Variants in ESYT3 observed in about 807,000 individuals in gnomAD.
ESYT3 encodes extended synaptotagmin-3.
ESYT3 carries 101 observed loss-of-function variants against 111.5 expected under a neutral mutation model. The ratio of observed to expected loss-of-function variants is 0.91; its 90% CI spans 0.77 to 1.07. The LOEUF is 1.07. ESYT3 is among the 50% of genes least tolerant of loss of function. ESYT3 has a pLI of 0.00. For missense variants in ESYT3, 1,097 were observed against 1,109.4 expected (o/e 0.99, Z 0.16); for synonymous variants, 416 against 446.8 (o/e 0.93, Z 0.87).
At chr3:138,470,594 A>G (rs1008913253) in intron 16 of ESYT3, 24 of 1,200,126 alleles carry the variant, frequency 2.0e-5, no homozygotes, top group African/African-American at 6.1e-5. Flanking sequence ...CCCTGCCTGG[A>G]GAGCAGCACA....
chr3:138,457,274 G>A (rs1039655450), intron 3 of ESYT3, among the ~76,000 whole-genome samples: 4 of 152,162 alleles, frequency 2.6e-5, no homozygotes, highest in African/African-American at 7.2e-5. Context: ...GTTTCCTCAC[G>A]TGTAAAGGGA....
chr3:138,444,447 A>C (rs768129928), intron 1 of ESYT3, among the ~76,000 whole-genome samples: 4 of 152,232 alleles, frequency 2.6e-5, no homozygotes, highest in Non-Finnish European at 5.9e-5. Flanking sequence ...GATAGTGTAC[A>C]TGTTTTATGG....
Position 138,467,594 on chromosome 3 carries a change from C to A in ESYT3, c.1203C>A (p.Asn401Lys). Residue 401 changes from asparagine (N) to lysine (K), a missense_variant, in exon 11 of 23, where the codon AAC becomes AAA. By Grantham distance (94) the Asn-to-Lys change is moderately conservative. Transcript: ENST00000389567. ...TCTGCCTTGGAGATGTCATGACCAA[C>A]AGAGTGGTGGATGAGGTACAGTTGG... ...LQICLGDVMT[N>K]RVVDEWFVLN... The A allele has an allele frequency of 1.2e-6, 2 of 1,614,158 alleles. No individual in the cohort carries two copies. The highest frequency in any genetic ancestry group is 1.7e-6 in the Non-Finnish European group (2 of 1,180,020).
At chr3:138,453,484 G>A (rs1258068324) in intron 2 of ESYT3, among the ~76,000 whole-genome samples, 4 of 152,208 alleles carry the variant, frequency 2.6e-5, no homozygotes, top group Admixed American at 2.0e-4. Flanking sequence ...CTGGGGTTTG[G>A]AGAGGCCTTT....
chr3:138,466,806 G>A (rs905633808), intron 10 of ESYT3, among the ~76,000 whole-genome samples: 2 of 152,174 alleles, frequency 1.3e-5, no homozygotes, highest in African/African-American at 4.8e-5. Context: ...ATGAAGCATA[G>A]TGCCAGCATT....
chr3:138,457,338 G>T (rs1253246857), intron 3 of ESYT3, among the ~76,000 whole-genome samples: 1 of 152,188 alleles, frequency 6.6e-6, no homozygotes, highest in Non-Finnish European at 1.5e-5. Context: ...CCTGGCCTCA[G>T]GGCCACTCTG....
Position 138,474,212 on chromosome 3 carries a change from C to T in ESYT3, c.2337-9C>T, listed in dbSNP as rs2033378949. 2 of 1,598,124 alleles carry T rather than the reference C, an allele frequency of 1.3e-6. No individual in the cohort carries two copies. Among genetic ancestry groups the T allele is most frequent in the African/African-American group, 1.4e-5 (1 of 73,418 alleles). On this transcript the variant is annotated splice_polypyrimidine_tract_variant and intron_variant, in intron 19 of 22. Coordinates refer to ENST00000389567, the MANE Select transcript of ESYT3 (RefSeq NM_031913.5). ...TTTTTTTTTCCTAATGTCTTTGACA[C>T]CAAATCAGAAACCTAACACCATGTA...
chr3:138,449,082 C>CTTTTTTTTT lies in ESYT3; in HGVS notation c.328-2954_328-2946dup, dbSNP rs398040196. ...CTGTTGCTGCCTACACTTTCTTTTT[C>CTTTTTTTTT]TTTTTTTTTTTTTTTTTTTTGAGAT... On this transcript the variant is annotated intron_variant, in intron 1 of 22. Transcript: ENST00000389567. 3.5e-4 allele frequency among the ~76,000 whole-genome samples: 40 copies of CTTTTTTTTT among 113,122 alleles called. No individual in the cohort carries two copies. The East Asian group carries it at 5.7e-3, about 16-fold the overall frequency. 74.2% of individuals were successfully genotyped at this position (113,122 alleles called of 152,430 possible). A position where few individuals can be genotyped will look rare whatever the true frequency, so the allele number is the denominator to read the frequency against.
chr3:138,455,462 C>T, intron 3 of ESYT3, 134 bp downstream of exon 3: 3 of 871,482 alleles, frequency 3.4e-6, no homozygotes, highest in Admixed American at 3.2e-5. Context: ...GGGGGACACC[C>T]TCCCGCCACC....
At chr3:138,471,576 G>A (rs2033221945) in intron 17 of ESYT3, among the ~76,000 whole-genome samples, 1 of 152,154 alleles carries the variant, frequency 6.6e-6, no homozygotes, top group African/African-American at 2.4e-5. Context: ...ATTATTTGAA[G>A]ATCTTGGGAG....
chr3:138,442,824 A>G (rs1305491932), intron 1 of ESYT3, among the ~76,000 whole-genome samples: 1 of 152,144 alleles, frequency 6.6e-6, no homozygotes, highest in East Asian at 1.9e-4. Flanking sequence ...ACATTTCTCA[A>G]TTTAATTAGT....
intron 1 of ESYT3, among the ~76,000 whole-genome samples, chr3:138,438,851 C>T (rs1359248847): frequency 6.6e-6 from 1 of 152,202 alleles, no homozygotes; most frequent in Non-Finnish European, 1.5e-5. Context: ...ACCTGTGGGT[C>T]CCCTTTGTCT....
chr3:138,464,552 G>A lies in ESYT3; in HGVS notation c.1086+37G>A, dbSNP rs1431256534. 1.9e-6 allele frequency: 3 copies of A among 1,610,952 alleles called. No homozygotes were observed. The South Asian group carries it at 3.3e-5, about 18-fold the overall frequency. On this transcript the variant is annotated intron_variant, in intron 9 of 22. Coordinates refer to ENST00000389567, the MANE Select transcript of ESYT3 (RefSeq NM_031913.5). The stretch of plus-strand genomic sequence containing the variant: ...CTTGGCTGCTTCTAGCCTTCACTCT[G>A]AGTCATGCTGGGCAGAGGCAATCCA...
chr3:138,480,097 T>C (rs2033657114), downstream of ESYT3: 1 of 151,946 alleles, frequency 6.6e-6, no homozygotes. Flanking sequence ...TAAAGAAAAA[T>C]CAACCCTGCA....
At position 138,449,206 on chromosome 3, in the gene ESYT3, T is replaced by G. The variant is rs113433602; in HGVS notation, c.328-2842T>G. ...TTCAAGCAATTCTTCTGCCTCAGCCTCCTGAGTACCTGGGATTACAGGTGT... is the reference window on the plus strand; with the variant it reads ...TTCAAGCAATTCTTCTGCCTCAGCCGCCTGAGTACCTGGGATTACAGGTGT... On this transcript the variant is annotated intron_variant, in intron 1 of 22. Coordinates refer to ENST00000389567, the MANE Select transcript of ESYT3 (RefSeq NM_031913.5). Among the ~76,000 whole-genome samples, 7 of 149,530 alleles carry G rather than the reference T, an allele frequency of 4.7e-5. 1 individual carries two copies. The highest frequency in any genetic ancestry group is 1.7e-4 in the African/African-American group (7 of 40,442).
chr3:138,439,705 G>A (rs2030997773), intron 1 of ESYT3, among the ~76,000 whole-genome samples: 1 of 152,218 alleles, frequency 6.6e-6, no homozygotes, highest in South Asian at 2.1e-4. Flanking sequence ...CTGGGCCCCT[G>A]TGAGGAGGGA....
chr3:138,472,727 A>C lies in ESYT3; in HGVS notation c.2105A>C (p.Lys702Thr). 2.5e-6 allele frequency: 4 copies of C among 1,614,180 alleles called. No homozygotes were observed. The highest frequency in any genetic ancestry group is 3.4e-6 in the Non-Finnish European group (4 of 1,180,034). The change falls in exon 18 of 23, where the codon AAG (lysine) becomes ACG (threonine). Residue 702 changes from lysine to threonine, a missense_variant. Coordinates refer to ENST00000389567, the MANE Select transcript of ESYT3 (RefSeq NM_031913.5). Reference protein sequence around the residue: ...VPGPHSPGPIKSPRPMKCPAS... With the variant: ...VPGPHSPGPITSPRPMKCPAS... ...GGTCCCCACTCTCCAGGGCCCATCAAGTCACCCAGACCCATGAAATGCCCT... is the reference window on the plus strand; with the variant it reads ...GGTCCCCACTCTCCAGGGCCCATCACGTCACCCAGACCCATGAAATGCCCT...
In ESYT3 at chr3:138,464,463, G is replaced by A. The variant is rs376528570; in HGVS notation, c.1034G>A (p.Arg345Gln). ...GTGAGCATCGGCCTACAGCATTTCCGGAGTAGGACCATCTACAGGAACCTG... is the reference window on the plus strand; with the variant it reads ...GTGAGCATCGGCCTACAGCATTTCCAGAGTAGGACCATCTACAGGAACCTG... ...AKVSIGLQHFRSRTIYRNLNP... is the reference protein window; with the variant it reads ...AKVSIGLQHFQSRTIYRNLNP... The change falls in exon 9 of 23, where the codon CGG (arginine) becomes CAG (glutamine). Residue 345 changes from arginine (R) to glutamine (Q), a missense_variant. Transcript: ENST00000389567. The A allele has an allele frequency of 8.7e-6, 14 of 1,614,144 alleles. No individual in the cohort carries two copies. The highest frequency in any genetic ancestry group is 1.6e-4 in the Middle Eastern group (1 of 6,062).
At chr3:138,463,370 C>T (rs1206826969) in intron 8 of ESYT3, among the ~76,000 whole-genome samples, 1 of 152,224 alleles carries the variant, frequency 6.6e-6, no homozygotes, top group African/African-American at 2.4e-5. Context: ...GCTGGAATTA[C>T]AGGCGTGAGC....
Sources: gnomAD v4.1 joint callset for allele counts (sites outside exome capture counted in the v4.1 genomes callset) on GRCh38, gnomAD v4.1.1 for gene constraint, MANE v1.5 for transcripts, NCBI Gene and HGNC (gene_info 2026-07-23, HGNC 2026-07-21) for gene names.